The following TPTE variants were observed in gnomAD, a reference collection of about 807,000 sequenced individuals.
The protein encoded by TPTE is transmembrane phosphatase with tensin homology.
In TPTE, 59 loss-of-function variants were observed where a neutral mutation model predicts 84.1. The ratio of observed to expected loss-of-function variants is 0.70; its 90% confidence interval spans 0.57 to 0.87. The LOEUF (loss-of-function observed/expected upper bound fraction) is 0.87, where lower values mean the gene tolerates loss of function less well. Among genes scored for constraint, TPTE ranks in the 40% least tolerant of loss-of-function variants. The pLI, the probability that TPTE is intolerant of heterozygous loss-of-function variation, is 0.00. For missense variants in TPTE, 382 were observed against 659.6 expected (o/e 0.58, Z 4.61); for synonymous variants, 130 against 223.5 (o/e 0.58, Z 3.73).
chr21:10,589,515 G>C (rs1162574106), intron 17 of TPTE, among the ~76,000 whole-genome samples: 1 of 152,276 alleles, frequency 6.6e-6, no homozygotes, highest in Non-Finnish European at 1.5e-5. Context: ...GGTGCAGCCA[G>C]ATAGGGAAGA....
chr21:10,534,638 C>A (rs2074236888), intron 3 of TPTE, among the ~76,000 whole-genome samples: 1 of 152,308 alleles, frequency 6.6e-6, no homozygotes, highest in South Asian at 2.1e-4. Flanking sequence ...GAAATGATAT[C>A]ACTAGCCTAT....
intron 14 of TPTE, among the ~76,000 whole-genome samples, chr21:10,571,492 C>T (rs1211543765): frequency 7.2e-5 from 11 of 152,300 alleles, no homozygotes; most frequent in Admixed American, 2.6e-4. Context: ...CACCATAATT[C>T]CCCATTAACA....
Position 10,543,383 on chromosome 21 carries a change from G to C in TPTE, c.173+1G>C. Reference sequence around the variant, plus strand: ...CCCGGGTGTCACCTATCAGTGAAAGGTGAGTTATAAATACATGAAGACACA... The same window carrying C: ...CCCGGGTGTCACCTATCAGTGAAAGCTGAGTTATAAATACATGAAGACACA... On this transcript the variant is annotated splice_donor_variant, in intron 7 of 23. Coordinates refer to ENST00000618007, the MANE Select transcript of TPTE (RefSeq NM_199261.4). LOFTEE classifies it high-confidence loss of function. 6.2e-7 allele frequency: 1 copy of C among 1,614,092 alleles called. No individual in the cohort carries two copies. Among genetic ancestry groups the C allele is most frequent in the Non-Finnish European group, 8.5e-7 (1 of 1,179,890 alleles).
chr21:10,576,085 A>C (rs1351899354), intron 14 of TPTE, among the ~76,000 whole-genome samples: 2 of 152,310 alleles, frequency 1.3e-5, no homozygotes, highest in Non-Finnish European at 2.9e-5. Flanking sequence ...GTATATACCC[A>C]AAGGAATATA....
At chr21:10,545,340 TTC>T (rs2074446242) in intron 7 of TPTE, among the ~76,000 whole-genome samples, 1 of 152,306 alleles carries the variant, frequency 6.6e-6, no homozygotes, top group African/African-American at 2.4e-5. Flanking sequence ...TAAGGTTTTC[TTC>T]TAGGAAAAAA....
chr21:10,553,142 C>T (rs1229669167), intron 8 of TPTE, among the ~76,000 whole-genome samples: 2 of 152,304 alleles, frequency 1.3e-5, no homozygotes, highest in Admixed American at 6.5e-5. Context: ...TGACTAAAGA[C>T]CTCTTTATGC....
At chr21:10,605,302 T>C (rs1172430836) in intron 23 of TPTE, 115 bp from the exon 24 acceptor site, 9 of 1,379,872 alleles carry the variant, frequency 6.5e-6, no homozygotes, top group Non-Finnish European at 7.8e-6. Context: ...AGGGCTGAGG[T>C]TCTATTCATG....
intron 14 of TPTE, among the ~76,000 whole-genome samples, chr21:10,576,978 GAT>G (rs1157377500): frequency 5.3e-5 from 8 of 152,262 alleles, no homozygotes; most frequent in South Asian, 2.1e-4. Flanking sequence ...TTTAAAATTT[GAT>G]ATGTTTATCT....
At position 10,597,390 on chromosome 21, in the gene TPTE, C is replaced by T. The variant is rs61422943; in HGVS notation, c.1277-625C>T. 7.2e-5 allele frequency among the ~76,000 whole-genome samples: 11 copies of T among 152,350 alleles called. No homozygotes were observed. In the East Asian group the frequency reaches 1.2e-3, roughly 16 times the overall value. On this transcript the variant is annotated intron_variant, in intron 20 of 23. Transcript: ENST00000618007. Reference sequence around the variant, plus strand: ...GAAAGGTTGCAAAGGTTGCAAGTCACCTTTCCTGAATTTTCTTTTTTCTTT... The same window carrying T: ...GAAAGGTTGCAAAGGTTGCAAGTCATCTTTCCTGAATTTTCTTTTTTCTTT...
At chr21:10,567,373 C>G (rs1220702363) in intron 10 of TPTE, among the ~76,000 whole-genome samples, 1 of 152,292 alleles carries the variant, frequency 6.6e-6, no homozygotes, top group African/African-American at 2.4e-5. Flanking sequence ...GGATAGATAC[C>G]CCATTGTCCA....
At chr21:10,522,214 A>G (rs1300694687) in intron 1 of TPTE, among the ~76,000 whole-genome samples, 1 of 152,250 alleles carries the variant, frequency 6.6e-6, no homozygotes, top group East Asian at 1.9e-4. Context: ...CCCCCTCCCC[A>G]GCTGGCTCCT....
chr21:10,573,903 C>G (rs1201741741), intron 14 of TPTE, among the ~76,000 whole-genome samples: 2 of 152,310 alleles, frequency 1.3e-5, no homozygotes, highest in Non-Finnish European at 2.9e-5. Context: ...GGCCCAGGCT[C>G]AAAATTATAT....
At chr21:10,526,929 A>T (rs1372358287) in intron 2 of TPTE, among the ~76,000 whole-genome samples, 1 of 152,310 alleles carries the variant, frequency 6.6e-6, no homozygotes, top group Non-Finnish European at 1.5e-5. Context: ...AAACATAGCC[A>T]TATAACTTTA....
chr21:10,535,348 C>A (rs1214596772), intron 3 of TPTE, among the ~76,000 whole-genome samples: 1 of 152,302 alleles, frequency 6.6e-6, no homozygotes. Flanking sequence ...CATGCATACA[C>A]ATACACACAC....
At chr21:10,545,768 C>T (rs1411873969) in intron 7 of TPTE, among the ~76,000 whole-genome samples, 2 of 151,710 alleles carry the variant, frequency 1.3e-5, no homozygotes, top group Non-Finnish European at 2.9e-5. Flanking sequence ...TATAGATACA[C>T]ATATCTATAT....
intron 17 of TPTE, among the ~76,000 whole-genome samples, chr21:10,581,395 C>CT (rs1226423295): frequency 1.9e-3 from 284 of 151,926 alleles, no homozygotes; most frequent in Middle Eastern, 3.4e-3. Flanking sequence ...TCAAATCTGA[C>CT]TTTTTTTCTT....
Position 10,523,708 on chromosome 21 carries a change from T to C in TPTE, c.-210-872T>C, listed in dbSNP as rs1233489113. Among the ~76,000 whole-genome samples the C allele has an allele frequency of 4.6e-5, 7 of 152,414 alleles. No homozygotes were observed. The East Asian group carries it at 1.3e-3, about 29-fold the overall frequency. On this transcript the variant is annotated intron_variant, in intron 1 of 23. Transcript: ENST00000618007. ...AATCCAGTCTATCATTGTTGGACAT[T>C]TGGGTTGGTTCCAAGTCTTTGCTAT...
chr21:10,521,936 C>T (rs1032122096), intron 1 of TPTE, among the ~76,000 whole-genome samples: 1 of 152,278 alleles, frequency 6.6e-6, no homozygotes, highest in South Asian at 2.1e-4. Flanking sequence ...TCCCCGTCCC[C>T]TCCTCTCCGC....
rs2074517253 is a variant in TPTE, at chr21:10,548,674, A to G, written c.174-3983A>G. On this transcript the variant is annotated intron_variant, in intron 7 of 23. Transcript: ENST00000618007. ...CCTCTTGGCCAGCCCTGGCAAAGAT[A>G]CCTTCAGTCCAGCTTAGCAGCTATG... 7.9e-5 allele frequency among the ~76,000 whole-genome samples: 12 copies of G among 152,410 alleles called. No individual in the cohort carries two copies. The South Asian group carries it at 1.7e-3, about 21-fold the overall frequency.
Sources: gnomAD v4.1 joint callset for allele counts (sites outside exome capture counted in the v4.1 genomes callset) on GRCh38, gnomAD v4.1.1 for gene constraint, MANE v1.5 for transcripts, NCBI Gene and HGNC (gene_info 2026-07-23, HGNC 2026-07-21) for gene names.